The following CADM2 variants were observed in gnomAD, a reference collection of about 807,000 sequenced individuals.
The protein encoded by CADM2 is immunoglobulin superfamily member 4D.
Under a neutral mutation model 49.8 loss-of-function variants are expected in CADM2, and 12 were observed. The ratio of observed to expected loss-of-function variants is 0.24; its 90% confidence interval spans 0.15 to 0.39. The LOEUF (loss-of-function observed/expected upper bound fraction) is 0.39, where lower values mean the gene tolerates loss of function less well. Ranked by LOEUF, CADM2 falls within the 10% of genes least tolerant of loss-of-function variation. The pLI is 1.00. For missense variants in CADM2, 378 were observed against 492.3 expected (o/e 0.77, Z 2.20); for synonymous variants, 214 against 175.4 (o/e 1.22, Z -1.74).
intron 1 of CADM2, among the ~76,000 whole-genome samples, chr3:85,255,270 A>G (rs957454592): frequency 3.3e-5 from 5 of 152,046 alleles, no homozygotes; most frequent in South Asian, 2.1e-4. Context: ...GCCTGGGTCC[A>G]TAGCCTACAG....
chr3:85,013,108 C>G lies in CADM2; in HGVS notation c.61+53440C>G, dbSNP rs921265213. Among the ~76,000 whole-genome samples the G allele has an allele frequency of 1.5e-4, 23 of 148,640 alleles. 1 individual carries two copies. The highest frequency in any genetic ancestry group is 1.9e-4 in the Non-Finnish European group (13 of 67,320). On this transcript the variant is annotated intron_variant, in intron 1 of 9. Coordinates refer to ENST00000383699, the MANE Select transcript of CADM2 (RefSeq NM_001167675.2). ...ACATTTTTTCATTTGATGATATGAC[C>G]CACTCAGAAGATTCTGTAATTTGCA...
intron 1 of CADM2, among the ~76,000 whole-genome samples, chr3:85,650,018 C>T (rs1349004146): frequency 1.3e-5 from 2 of 152,154 alleles, no homozygotes; most frequent in African/African-American, 4.8e-5. Context: ...TCATCTTTCT[C>T]TATAAATTCT....
At chr3:85,955,496 T>A (rs1723945123) in intron 7 of CADM2, among the ~76,000 whole-genome samples, 1 of 151,470 alleles carries the variant, frequency 6.6e-6, no homozygotes, top group Non-Finnish European at 1.5e-5. Flanking sequence ...AAAGAGGGGA[T>A]GTGAACGATT....
At chr3:85,757,463 G>A (rs895282390) in intron 2 of CADM2, among the ~76,000 whole-genome samples, 10 of 152,078 alleles carry the variant, frequency 6.6e-5, no homozygotes, top group African/African-American at 2.2e-4. Flanking sequence ...AGAAATAGAC[G>A]AGTAAATGGA....
intron 1 of CADM2, among the ~76,000 whole-genome samples, chr3:85,305,257 C>T (rs1253525048): frequency 6.6e-6 from 1 of 151,434 alleles, no homozygotes; most frequent in Non-Finnish European, 1.5e-5. Flanking sequence ...TTCCTTCTTA[C>T]CACAGTAGCT....
At chr3:85,472,958 T>A (rs1277690420) in intron 1 of CADM2, among the ~76,000 whole-genome samples, 1 of 152,110 alleles carries the variant, frequency 6.6e-6, no homozygotes, top group African/African-American at 2.4e-5. Context: ...CATTTGCATG[T>A]TGAACCATCA....
chr3:84,979,915 G>A (rs75135056), intron 1 of CADM2, among the ~76,000 whole-genome samples: 7,523 of 152,140 alleles, frequency 0.049, 221 homozygotes, highest in East Asian at 0.099. Flanking sequence ...TCACGAGATA[G>A]AAAACGTCAT....
chr3:85,915,928 A>T (rs1179785569), intron 6 of CADM2, among the ~76,000 whole-genome samples: 3 of 152,138 alleles, frequency 2.0e-5, no homozygotes, highest in Admixed American at 2.0e-4. Flanking sequence ...AAATCCTCTG[A>T]TATTGTAGAA....
At chr3:85,110,476 A>C (rs1265697588) in intron 1 of CADM2, among the ~76,000 whole-genome samples, 1 of 151,848 alleles carries the variant, frequency 6.6e-6, no homozygotes, top group Non-Finnish European at 1.5e-5. Flanking sequence ...GAAAACGTGA[A>C]GAGAAGGGGA....
rs372108050 is a variant in CADM2 at position 85,543,420 on chromosome 3, A to ATGTGTGTGGGGGGGTGTGTGTGTG, written c.62-183094_62-183093insGGGGGGTGTGTGTGTGTGTGTGTG. ...CAGGCACCGCCACCATGCCAAGCTA[A>ATGTGTGTGGGGGGGTGTGTGTGTG]TGTGTGTGTGTGTGTGTGTGTGTGT... is the stretch of plus-strand genomic sequence containing the variant. On this transcript the variant is annotated intron_variant, in intron 1 of 9. Coordinates refer to ENST00000383699, the MANE Select transcript of CADM2 (RefSeq NM_001167675.2). Among the ~76,000 whole-genome samples the ATGTGTGTGGGGGGGTGTGTGTGTG allele has an allele frequency of 3.0e-3, 392 of 129,636 alleles. 1 individual carries two copies. The highest frequency in any genetic ancestry group is 6.9e-3 in the East Asian group (26 of 3,772). 85.0% of individuals were successfully genotyped at this position (129,636 alleles called of 152,430 possible).
At chr3:85,723,118 A>G (rs2067566257) in intron 1 of CADM2, among the ~76,000 whole-genome samples, 1 of 152,176 alleles carries the variant, frequency 6.6e-6, no homozygotes, top group East Asian at 1.9e-4. Context: ...GTGTTTTCAC[A>G]AACTTATGTA....
chr3:85,158,893 T>A (rs2040227307), intron 1 of CADM2, among the ~76,000 whole-genome samples: 1 of 151,972 alleles, frequency 6.6e-6, no homozygotes, highest in Admixed American at 6.6e-5. Context: ...AAATTAACAC[T>A]GCATTTATTT....
At chr3:85,867,055 A>C (rs1211915418) in intron 3 of CADM2, among the ~76,000 whole-genome samples, 2 of 152,178 alleles carry the variant, frequency 1.3e-5, no homozygotes, top group African/African-American at 4.8e-5. Flanking sequence ...TAGTATAATC[A>C]TACTATAAAT....
In CADM2 at chr3:85,167,360, A is replaced by G. The variant is rs140596711; in HGVS notation, c.61+207692A>G. On this transcript the variant is annotated intron_variant, in intron 1 of 9. Coordinates refer to ENST00000383699, the MANE Select transcript of CADM2 (RefSeq NM_001167675.2). ...GATGATTATATTTGTACTGCTTTTT[A>G]TATTTTTAAAGAGAAATACATAATA... Among the ~76,000 whole-genome samples the G allele has an allele frequency of 2.5e-3, 388 of 152,206 alleles. 1 individual carries two copies. Among genetic ancestry groups the G allele is most frequent in the African/African-American group, 8.9e-3 (371 of 41,568 alleles).
chr3:85,693,723 C>CAAAAAAAAAAAAAAAAAAAAAAAAA, intron 1 of CADM2, among the ~76,000 whole-genome samples: 1 of 66,556 alleles, frequency 1.5e-5, no homozygotes, highest in Non-Finnish European at 2.8e-5. Flanking sequence ...ACGTATCTAC[C>CAAAAAAAAAAAAAAAAAAAAAAAAA]AAAAAAAAAA....
chr3:85,879,664 T>G (rs1424501772), intron 3 of CADM2, among the ~76,000 whole-genome samples: 1 of 152,164 alleles, frequency 6.6e-6, no homozygotes, highest in African/African-American at 2.4e-5. Context: ...TTAAAATTTT[T>G]TAATCAATTT....
At chr3:85,337,371 C>T (rs1228078680) in intron 1 of CADM2, among the ~76,000 whole-genome samples, 1 of 151,276 alleles carries the variant, frequency 6.6e-6, no homozygotes, top group Non-Finnish European at 1.5e-5. Flanking sequence ...TTAACTGTCT[C>T]AAGGAACAGC....
chr3:85,029,686 G>A (rs1274282911), intron 1 of CADM2, among the ~76,000 whole-genome samples: 5 of 152,094 alleles, frequency 3.3e-5, no homozygotes, highest in Admixed American at 2.6e-4. Flanking sequence ...TTATCTTTGG[G>A]AAAGTTATCC....
chr3:86,058,983 A>G (rs1578086615), intron 8 of CADM2, among the ~76,000 whole-genome samples: 1 of 151,608 alleles, frequency 6.6e-6, no homozygotes, highest in African/African-American at 2.4e-5. Context: ...AATCTCAGCT[A>G]CTTGGGTGGC....
Sources: allele counts gnomAD v4.1 joint callset (sites outside exome capture counted in the v4.1 genomes callset), GRCh38; gene constraint gnomAD v4.1.1; transcripts MANE v1.5; gene names NCBI Gene and HGNC (gene_info 2026-07-23, HGNC 2026-07-21).